Variants in CAST observed in about 807,000 individuals in gnomAD.
CAST encodes calpastatin, also known as MIR583 host.
A neutral mutation model predicts 119.6 loss-of-function variants in CAST; 76 were observed. The observed-to-expected ratio is 0.64, with a 90% CI of 0.53 to 0.77. The LOEUF is 0.77. Among genes scored for constraint, CAST ranks in the 30% least tolerant of loss-of-function variants. The probability of loss-of-function intolerance (pLI) is 0.00; values close to 1 mark genes in which losing one functional copy is unlikely to be tolerated. For missense variants in CAST, 953 were observed against 946.5 expected (o/e 1.01, Z -0.09); for synonymous variants, 319 against 331.6 (o/e 0.96, Z 0.41).
intron 3 of CAST, among the ~76,000 whole-genome samples, chr5:96,713,908 G>A (rs1404132157): frequency 3.3e-5 from 5 of 152,082 alleles, no homozygotes; most frequent in Non-Finnish European, 7.4e-5. Context: ...CCAGGTGGCG[G>A]AGGTTACAGT....
intron 1 of CAST, among the ~76,000 whole-genome samples, chr5:96,562,185 A>G (rs568382200): frequency 7.5e-6 from 1 of 132,920 alleles, no homozygotes; most frequent in African/African-American, 2.6e-5. Flanking sequence ...AAAACTTTTC[A>G]TGCACACACA....
the CAST span, among the ~76,000 whole-genome samples, chr5:96,354,257 T>A: frequency 6.6e-6 from 1 of 152,210 alleles, no homozygotes; most frequent in Non-Finnish European, 1.5e-5. Context: ...ACAGGATTTT[T>A]AAAAACTTTT....
intron 2 of CAST, among the ~76,000 whole-genome samples, chr5:96,685,845 C>A (rs1752018841): frequency 6.6e-6 from 1 of 152,256 alleles, no homozygotes; most frequent in Non-Finnish European, 1.5e-5. Flanking sequence ...TGATTCTTCT[C>A]TTATGCCAGT....
At chr5:96,713,094 G>T (rs965596152) in intron 3 of CAST, among the ~76,000 whole-genome samples, 1 of 151,788 alleles carries the variant, frequency 6.6e-6, no homozygotes, top group Non-Finnish European at 1.5e-5. Flanking sequence ...GAAGTAGAAA[G>T]GCTTTCTGGA....
At chr5:95,993,918 TAATTTAAATTAAATTAATTTA>T in the CAST span, among the ~76,000 whole-genome samples, 1 of 152,082 alleles carries the variant, frequency 6.6e-6, no homozygotes, top group Admixed American at 6.6e-5. Context: ...TAATTTGCAT[TAATTTAAATTAAATTAATTTA>T]AATTTAAATT....
the CAST span, among the ~76,000 whole-genome samples, chr5:96,241,309 G>A: frequency 2.0e-5 from 3 of 149,476 alleles, no homozygotes; most frequent in Admixed American, 1.3e-4. Context: ...GAGAATATGC[G>A]GTGTTTGGTT....
chr5:95,997,008 T>C, the CAST span, among the ~76,000 whole-genome samples: 1 of 152,108 alleles, frequency 6.6e-6, no homozygotes, highest in African/African-American at 2.4e-5. Flanking sequence ...AATAGTGATA[T>C]TTTACATATT....
intron 1 of CAST, among the ~76,000 whole-genome samples, chr5:96,637,501 C>T (rs1747901308): frequency 6.6e-6 from 1 of 152,046 alleles, no homozygotes; most frequent in Admixed American, 6.5e-5. Context: ...AAATAACTTC[C>T]TATGGTGAAC....
intron 9 of CAST, among the ~76,000 whole-genome samples, chr5:96,731,213 A>G (rs1412519855): frequency 1.3e-5 from 2 of 152,202 alleles, no homozygotes; most frequent in African/African-American, 4.8e-5. Context: ...TTCAGCTTTC[A>G]ATGCTGATGC....
the CAST span, among the ~76,000 whole-genome samples, chr5:96,406,166 G>A: frequency 7.2e-5 from 11 of 152,196 alleles, no homozygotes; most frequent in East Asian, 1.9e-4. Context: ...AAAAGGTCTC[G>A]TTTGACCCCT....
chr5:96,380,596 G>A, the CAST span, among the ~76,000 whole-genome samples: 3 of 152,158 alleles, frequency 2.0e-5, no homozygotes, highest in Non-Finnish European at 2.9e-5. Context: ...AAATGAGCCT[G>A]TCACTTCAAG....
chr5:96,589,766 A>G (rs1314256395), intron 1 of CAST, among the ~76,000 whole-genome samples: 1 of 152,222 alleles, frequency 6.6e-6, no homozygotes, highest in Non-Finnish European at 1.5e-5. Flanking sequence ...AGTATGTTCA[A>G]TCTAGCACAA....
At chr5:96,468,886 A>C in the CAST span, among the ~76,000 whole-genome samples, 1 of 152,112 alleles carries the variant, frequency 6.6e-6, no homozygotes, top group Non-Finnish European at 1.5e-5. Flanking sequence ...TGGGGAAAAT[A>C]AAAGATAAAG....
chr5:96,137,003 T>C, the CAST span, among the ~76,000 whole-genome samples: 4 of 152,242 alleles, frequency 2.6e-5, no homozygotes, highest in Non-Finnish European at 5.9e-5. Flanking sequence ...GTTAGACTGC[T>C]TTGTCACATT....
the CAST span, among the ~76,000 whole-genome samples, chr5:96,344,619 A>T: frequency 6.6e-6 from 1 of 152,094 alleles, no homozygotes; most frequent in African/African-American, 2.4e-5. Flanking sequence ...AATTAAACAT[A>T]CTCTACTTTT....
chr5:96,119,099 G>A, the CAST span, among the ~76,000 whole-genome samples: 39 of 152,166 alleles, frequency 2.6e-4, no homozygotes, highest in Middle Eastern at 3.4e-3. Context: ...ACATGTCTTT[G>A]CCATAGACTT....
the CAST span, among the ~76,000 whole-genome samples, chr5:96,467,144 A>G: frequency 6.6e-6 from 1 of 151,756 alleles, no homozygotes; most frequent in East Asian, 1.9e-4. Flanking sequence ...TTTTCTGTAA[A>G]TTGTCTTCCC....
chr5:95,962,690 T>C, the CAST span, among the ~76,000 whole-genome samples: 2 of 152,104 alleles, frequency 1.3e-5, no homozygotes, highest in African/African-American at 4.8e-5. Context: ...CCTGTTGTGA[T>C]TCTCTGGGAT....
At chr5:96,164,750 G>A in the CAST span, among the ~76,000 whole-genome samples, 1 of 152,132 alleles carries the variant, frequency 6.6e-6, no homozygotes, top group Non-Finnish European at 1.5e-5. Flanking sequence ...AACTTTGATG[G>A]GTTACAGTTA....
Sources: allele counts gnomAD v4.1 joint callset (sites outside exome capture counted in the v4.1 genomes callset), GRCh38; gene constraint gnomAD v4.1.1; transcripts MANE v1.5; gene names NCBI Gene and HGNC (gene_info 2026-07-23, HGNC 2026-07-21).